Variants in RAB3GAP2 observed in about 807,000 individuals in gnomAD.
The protein encoded by RAB3GAP2 is RAB3 GTPase activating non-catalytic protein subunit 2, also known as rab3 GTPase-activating protein non-catalytic subunit.
Under a neutral mutation model 185.3 loss-of-function variants are expected in RAB3GAP2, and 87 were observed. That is an observed-to-expected ratio of 0.47 (90% CI 0.39 to 0.56). RAB3GAP2 has a LOEUF of 0.56. Ranked by LOEUF, RAB3GAP2 falls within the 20% of genes least tolerant of loss-of-function variation. The probability of loss-of-function intolerance (pLI) is 0.00; values close to 1 mark genes in which losing one functional copy is unlikely to be tolerated. For synonymous variants in RAB3GAP2, 554 were observed against 576.1 expected (o/e 0.96, Z 0.55); for missense variants, 1,492 against 1,638.2 (o/e 0.91, Z 1.54).
intron 2 of RAB3GAP2, among the ~76,000 whole-genome samples, chr1:220,230,334 A>G (rs1172595337): frequency 6.6e-6 from 1 of 152,240 alleles, no homozygotes; most frequent in Non-Finnish European, 1.5e-5. Context: ...AAGCCATGCA[A>G]TAGTTTAAAT....
chr1:220,217,740 C>T (rs1489571696), intron 2 of RAB3GAP2, among the ~76,000 whole-genome samples: 1 of 152,170 alleles, frequency 6.6e-6, no homozygotes, highest in African/African-American at 2.4e-5. Flanking sequence ...AACAATCAAC[C>T]TAAAGCTAGT....
chr1:220,214,263 T>C lies in RAB3GAP2; in HGVS notation c.181-284A>G, dbSNP rs112445597. Among the ~76,000 whole-genome samples, 18,250 of 152,104 alleles carry C rather than the reference T, an allele frequency of 0.12. 1,285 individuals are homozygous for C. Among genetic ancestry groups the C allele is most frequent in the African/African-American group, 0.19 (8,014 of 41,466 alleles). On this transcript the variant is annotated intron_variant, in intron 2 of 34. Transcript: ENST00000358951. ...AAGAATGTCACATAGTGGCCAGGCA[T>C]GGTGGCTCACACCTGTAATCCCAGC...
At chr1:220,237,118 A>G (rs1181822676) in intron 1 of RAB3GAP2, among the ~76,000 whole-genome samples, 1 of 152,210 alleles carries the variant, frequency 6.6e-6, no homozygotes, top group East Asian at 1.9e-4. Flanking sequence ...AAAAAGGCAA[A>G]TCAATTTAAC....
At chr1:220,192,475 T>C (rs1199198005) in intron 13 of RAB3GAP2, among the ~76,000 whole-genome samples, 1 of 152,238 alleles carries the variant, frequency 6.6e-6, no homozygotes, top group African/African-American at 2.4e-5. Context: ...CCTTCTTTCT[T>C]AGTCAGGGAG....
intron 1 of RAB3GAP2, among the ~76,000 whole-genome samples, chr1:220,252,119 T>C (rs1217074190): frequency 7.9e-6 from 1 of 126,748 alleles, no homozygotes; most frequent in Non-Finnish European, 1.6e-5. Flanking sequence ...TGGCACAGCC[T>C]AGGTGATAGG....
intron 7 of RAB3GAP2, among the ~76,000 whole-genome samples, chr1:220,209,928 A>G (rs1659047563): frequency 6.6e-6 from 1 of 152,218 alleles, no homozygotes; most frequent in Admixed American, 6.5e-5. Context: ...TCTTCAATGA[A>G]TATATGTATT....
chr1:220,233,139 T>C (rs1444617896), intron 1 of RAB3GAP2, among the ~76,000 whole-genome samples: 1 of 152,164 alleles, frequency 6.6e-6, no homozygotes, highest in Non-Finnish European at 1.5e-5. Flanking sequence ...ATATTGGACA[T>C]CAAGTTAATT....
intron 13 of RAB3GAP2, 121 bp from the exon 14 acceptor site, chr1:220,191,405 AT>A: frequency 1.5e-6 from 1 of 680,362 alleles, no homozygotes; most frequent in South Asian, 1.7e-5. Flanking sequence ...ATAAAAGTAT[AT>A]TTTTTATTAT....
chr1:220,259,383 CACAT>C (rs1335636417), intron 1 of RAB3GAP2, among the ~76,000 whole-genome samples: 3 of 152,000 alleles, frequency 2.0e-5, no homozygotes, highest in African/African-American at 7.3e-5. Context: ...GAAGAACAGA[CACAT>C]ACACCAATGG....
chr1:220,253,783 A>T, intron 1 of RAB3GAP2: 2 of 1,611,966 alleles, frequency 1.2e-6, no homozygotes, highest in Non-Finnish European at 1.7e-6. Context: ...CAATTTGCAG[A>T]AACAGCGAGA....
intron 1 of RAB3GAP2, among the ~76,000 whole-genome samples, chr1:220,248,950 G>A (rs1050214034): frequency 6.6e-6 from 1 of 152,112 alleles, no homozygotes; most frequent in East Asian, 1.9e-4. Context: ...ATTTCCTGAG[G>A]CCTCCCCAGC....
At position 220,151,152 on chromosome 1, in the gene RAB3GAP2, CAT is replaced by C. The variant is rs897085195; in HGVS notation, c.*97_*98del. The C allele has an allele frequency of 2.4e-6, 3 of 1,259,272 alleles. No homozygotes were observed. The African/African-American group carries it at 4.6e-5, about 19-fold the overall frequency. The allele number at this position is 1,259,272 out of a possible 1,614,324, so 78.0% of individuals were successfully genotyped here. A position where few individuals can be genotyped will look rare whatever the true frequency, so the allele number is the denominator to read the frequency against. ...TATTTTACAAAAGGAAAAAAAAAGA[CAT>C]ACTTTTCCCATAAAATTCCAGGTCT... On this transcript the variant is annotated 3_prime_UTR_variant, in exon 35 of 35. Transcript: ENST00000358951.
At chr1:220,185,589 A>G in intron 18 of RAB3GAP2, 62 bp downstream of exon 18, 2 of 1,217,776 alleles carry the variant, frequency 1.6e-6, no homozygotes, top group Non-Finnish European at 1.2e-6. Flanking sequence ...ATAGCTTTCT[A>G]TAATCAGAGT....
At chr1:220,272,063 A>C (rs1185520695) in intron 1 of RAB3GAP2, among the ~76,000 whole-genome samples, 160 bp downstream of exon 1, 1 of 151,588 alleles carries the variant, frequency 6.6e-6, no homozygotes, top group Non-Finnish European at 1.5e-5. Context: ...CTTCAGGACG[A>C]GGTGGGCAGG....
At position 220,185,682 on chromosome 1, in the gene RAB3GAP2, A is replaced by AGTGATGTTT. The variant is rs1354176837; in HGVS notation, c.1830_1838dup (p.Asn611_Thr613dup). 1.2e-6 allele frequency: 2 copies of AGTGATGTTT among 1,612,266 alleles called. No individual in the cohort carries two copies. The highest frequency in any genetic ancestry group is 1.7e-6 in the Non-Finnish European group (2 of 1,178,636). On this transcript the variant is annotated inframe_insertion, in exon 18 of 35. Coordinates refer to ENST00000358951, the MANE Select transcript of RAB3GAP2 (RefSeq NM_012414.4). The stretch of plus-strand genomic sequence containing the variant: ...TTTTTAAAGTGTCCATTAAAGTCTG[A>AGTGATGTTT]GTGATGTTTCTAAGGCAAGAAAATG...
At chr1:220,193,766 C>T (rs1658669801) in intron 12 of RAB3GAP2, among the ~76,000 whole-genome samples, 1 of 152,058 alleles carries the variant, frequency 6.6e-6, no homozygotes, top group Admixed American at 6.5e-5. Flanking sequence ...CTCTTTTTTG[C>T]AAGATATGAC....
At chr1:220,153,439 T>C in intron 32 of RAB3GAP2, 33 bp from the exon 33 acceptor site, 6 of 1,566,126 alleles carry the variant, frequency 3.8e-6, no homozygotes, top group Middle Eastern at 1.7e-4. Flanking sequence ...GAGCAATGCA[T>C]TGTTACTGTT....
chr1:220,256,399 C>T (rs1405286001), intron 1 of RAB3GAP2, among the ~76,000 whole-genome samples: 2 of 152,196 alleles, frequency 1.3e-5, no homozygotes, highest in Non-Finnish European at 2.9e-5. Context: ...CAAATCCACA[C>T]ATAACAATAC....
intron 33 of RAB3GAP2, among the ~76,000 whole-genome samples, chr1:220,152,833 C>A (rs569938797): frequency 2.0e-5 from 3 of 152,078 alleles, no homozygotes; most frequent in Non-Finnish European, 4.4e-5. Flanking sequence ...TGGGATTACA[C>A]GTGTGAGCCA....
Sources: gnomAD v4.1 joint callset for allele counts (sites outside exome capture counted in the v4.1 genomes callset) on GRCh38, gnomAD v4.1.1 for gene constraint, MANE v1.5 for transcripts, NCBI Gene and HGNC (gene_info 2026-07-23, HGNC 2026-07-21) for gene names.